The following MAP3K12 variants were observed in gnomAD, a reference collection of about 807,000 sequenced individuals.
The protein encoded by MAP3K12 is MAPK-upstream kinase.
A neutral mutation model predicts 87.5 loss-of-function variants in MAP3K12; 14 were observed. The ratio of observed to expected loss-of-function variants is 0.16; its 90% confidence interval spans 0.11 to 0.25. MAP3K12 has a LOEUF of 0.25. MAP3K12 is among the 10% of genes least tolerant of loss of function. The pLI, the probability that MAP3K12 is intolerant of heterozygous loss-of-function variation, is 1.00. For missense variants in MAP3K12, 802 were observed against 1,140.4 expected, an observed-to-expected ratio of 0.70 and a Z score of 4.27; for synonymous variants, 469 against 452.5, an observed-to-expected ratio of 1.04 and a Z score of -0.46.
At chr12:53,495,941 AG>A (rs750627965) in intron 1 of MAP3K12, among the ~76,000 whole-genome samples, 37 of 152,260 alleles carry the variant, frequency 2.4e-4, no homozygotes, top group Middle Eastern at 3.4e-3. Context: ...AGTACTATTT[AG>A]GAAAAAAGAA....
chr12:53,485,704 C>T (rs919832135), intron 4 of MAP3K12: 18 of 546,748 alleles, frequency 3.3e-5, no homozygotes, highest in East Asian at 2.9e-4. Context: ...TACGGGCACT[C>T]GCCACCACGC....
At chr12:53,488,045 C>G (rs1021781890) in intron 1 of MAP3K12, 1 of 152,454 alleles carries the variant, frequency 6.6e-6, no homozygotes, top group Admixed American at 6.5e-5. Flanking sequence ...CTGAGGCCCT[C>G]TCAGGAACAC....
At chr12:53,484,739 T>G (rs1159050536) in intron 6 of MAP3K12, 21 of 469,808 alleles carry the variant, frequency 4.5e-5, no homozygotes, top group Middle Eastern at 1.2e-3. Flanking sequence ...GTTCTAAGGT[T>G]GTTTACTTGA....
At chr12:53,481,605 C>T (rs1281475675) in intron 13 of MAP3K12, 3 of 332,176 alleles carry the variant, frequency 9.0e-6, no homozygotes, top group Non-Finnish European at 1.1e-5. Flanking sequence ...GCCTCGGCCT[C>T]CCAAAGTTCT....
upstream of MAP3K12, chr12:53,500,059 C>T (rs1410254841): frequency 1.3e-5 from 2 of 152,358 alleles, no homozygotes; most frequent in Non-Finnish European, 2.9e-5. Flanking sequence ...GCCCCATCCT[C>T]CTCCAGTGTT....
At chr12:53,493,406 T>C (rs1337341987) in intron 1 of MAP3K12, among the ~76,000 whole-genome samples, 3 of 151,944 alleles carry the variant, frequency 2.0e-5, no homozygotes, top group Non-Finnish European at 4.4e-5. Context: ...AGGAGGGGAC[T>C]TGTGGGGTTG....
chr12:53,497,231 G>A (rs1270360297), intron 1 of MAP3K12, among the ~76,000 whole-genome samples: 2 of 152,216 alleles, frequency 1.3e-5, no homozygotes, highest in East Asian at 3.8e-4. Context: ...TGGCACACAG[G>A]AAGCTCTCTA....
rs1943268104 is a variant in MAP3K12, at chr12:53,487,632, G to T, written c.-37-204C>A. The T allele has an allele frequency of 1.1e-5, 6 of 527,476 alleles. No homozygotes were observed. The East Asian group carries it at 1.8e-4, about 16-fold the overall frequency. 32.7% of individuals were successfully genotyped at this position (527,476 alleles called of 1,614,324 possible). ...CTGATACACTTGGGCTTCCTCTCAG[G>T]CATGTTAGTAAGGCAAGTAATAGGT... On this transcript the variant is annotated intron_variant, in intron 1 of 13. Coordinates refer to ENST00000547488, the MANE Select transcript of MAP3K12 (RefSeq NM_001193511.2).
At chr12:53,484,964 T>C (rs999113465) in intron 6 of MAP3K12, 92 bp downstream of exon 6, 1 of 1,491,722 alleles carries the variant, frequency 6.7e-7, no homozygotes, top group Admixed American at 1.9e-5. Flanking sequence ...TTGAATTAAA[T>C]GTACCCCTGC....
In MAP3K12 at chr12:53,482,078, C is replaced by T; in HGVS notation, c.2443G>A (p.Glu815Lys). 6.2e-7 allele frequency: 1 copy of T among 1,614,176 alleles called. No homozygotes were observed. The highest frequency in any genetic ancestry group is 8.5e-7 in the Non-Finnish European group (1 of 1,180,036). The change falls in exon 13 of 14, where the codon GAG (glutamate) becomes AAG (lysine). Residue 815 changes from glutamate to lysine, a missense_variant. Glu to Lys is a moderately conservative substitution (Grantham distance 56). Transcript: ENST00000547488. ...TCATCAGACCGCTCATCTGGCCGCT[C>T]ATCAGTGTTGGTGCTGCCAACTTCA... ...TPEVGSTNTD[E>K]RPDERSDDMC...
In MAP3K12 at chr12:53,484,484, CAAAAG is replaced by C. The variant is rs978253089; in HGVS notation, c.1140-124_1140-120del. The C allele has an allele frequency of 1.5e-4, 103 of 688,516 alleles. 1 individual carries two copies. In the African/African-American group the frequency reaches 1.7e-3, roughly 12 times the overall value. 42.7% of individuals were successfully genotyped at this position (688,516 alleles called of 1,614,324 possible). A position where few individuals can be genotyped will look rare whatever the true frequency, so the allele number is the denominator to read the frequency against. ...TCCAATCCTAGAATGTACTCTGTGACAAAAGAACTTATGGTCAACTGTCTCTAGAG... is the reference window on the plus strand; with the variant it reads ...TCCAATCCTAGAATGTACTCTGTGACAACTTATGGTCAACTGTCTCTAGAG... On this transcript the variant is annotated intron_variant, in intron 6 of 13. Coordinates refer to ENST00000547488, the MANE Select transcript of MAP3K12 (RefSeq NM_001193511.2).
chr12:53,501,317 T>C, upstream of MAP3K12: 1 of 1,463,978 alleles, frequency 6.8e-7, no homozygotes, highest in African/African-American at 1.4e-5. Context: ...CGGCCGCGAC[T>C]CCGGGCTTGG....
chr12:53,495,147 G>C (rs1399854696), intron 1 of MAP3K12, among the ~76,000 whole-genome samples: 2 of 151,944 alleles, frequency 1.3e-5, no homozygotes, highest in Non-Finnish European at 2.9e-5. Flanking sequence ...AGACCATCCT[G>C]GCTACCATGG....
At chr12:53,484,564 C>G in intron 6 of MAP3K12, 199 bp from the exon 7 acceptor site, 1 of 547,494 alleles carries the variant, frequency 1.8e-6, no homozygotes, top group Non-Finnish European at 3.2e-6. Context: ...GTAAGGAAAC[C>G]TATTGAACCC....
At position 53,487,439 on chromosome 12, in the gene MAP3K12, G is replaced by A; in HGVS notation, c.-37-11C>T. 1 of 1,554,164 alleles carries A rather than the reference G, an allele frequency of 6.4e-7. No individual in the cohort carries two copies. The highest frequency in any genetic ancestry group is 8.7e-7 in the Non-Finnish European group (1 of 1,150,908). On this transcript the variant is annotated splice_polypyrimidine_tract_variant and intron_variant, in intron 1 of 13. Transcript: ENST00000547488. ...GGTGAACACTGGGCCCTGTGGGAAT[G>A]AAGGAAGGAGGGGCTGGGCTGTTAA...
intron 1 of MAP3K12, among the ~76,000 whole-genome samples, chr12:53,490,981 T>A (rs543214633): frequency 6.6e-6 from 1 of 151,966 alleles, no homozygotes; most frequent in East Asian, 1.9e-4. Context: ...CACCCAATGA[T>A]AATGGCTAAC....
intron 1 of MAP3K12, among the ~76,000 whole-genome samples, chr12:53,496,172 C>G (rs1362951532): frequency 6.6e-6 from 1 of 152,112 alleles, no homozygotes; most frequent in Non-Finnish European, 1.5e-5. Flanking sequence ...AGGCTGAAGA[C>G]TTGGTCTCTG....
chr12:53,487,522 G>T, intron 1 of MAP3K12, 94 bp from the exon 2 acceptor site: 1 of 1,285,858 alleles, frequency 7.8e-7, no homozygotes, highest in Non-Finnish European at 1.1e-6. Flanking sequence ...GGGGTGCTGG[G>T]TTCACAGTAG....
chr12:53,482,452 G>A (rs1943087413), intron 11 of MAP3K12, 83 bp from the exon 12 acceptor site: 7 of 1,605,698 alleles, frequency 4.4e-6, no homozygotes, highest in Admixed American at 1.7e-5. Context: ...ACATAGTTAC[G>A]AAGGGTGAAG....
Sources: gnomAD v4.1 joint callset for allele counts (sites outside exome capture counted in the v4.1 genomes callset) on GRCh38, gnomAD v4.1.1 for gene constraint, MANE v1.5 for transcripts, NCBI Gene and HGNC (gene_info 2026-07-23, HGNC 2026-07-21) for gene names.